ADAM2: variants seen among roughly 807,000 people sequenced by gnomAD.
ADAM2 encodes disintegrin and metalloproteinase domain-containing protein 2.
Under a neutral mutation model 99.3 loss-of-function variants are expected in ADAM2, and 101 were observed. The observed-to-expected ratio is 1.02, with a 90% CI of 0.87 to 1.20. The LOEUF (loss-of-function observed/expected upper bound fraction) is 1.20, where lower values mean the gene tolerates loss of function less well. Ranked by LOEUF, ADAM2 falls within the 50% of genes most tolerant of loss-of-function variation. The probability of loss-of-function intolerance (pLI) is 0.00; values close to 1 mark genes in which losing one functional copy is unlikely to be tolerated. For missense variants in ADAM2, 948 were observed against 878.7 expected (o/e 1.08, Z -1.00); for synonymous variants, 323 against 287.6 (o/e 1.12, Z -1.25).
At chr8:39,834,732 C>CAAAAAAAA (rs79431764) in intron 2 of ADAM2, among the ~76,000 whole-genome samples, 43 of 52,868 alleles carry the variant, frequency 8.1e-4, no homozygotes, top group Middle Eastern at 0.02. Flanking sequence ...AAGACTCCAT[C>CAAAAAAAA]AAAAAAAAAA....
intron 7 of ADAM2, among the ~76,000 whole-genome samples, chr8:39,792,746 T>C (rs1365546582): frequency 6.6e-6 from 1 of 152,072 alleles, no homozygotes; most frequent in African/African-American, 2.4e-5. Flanking sequence ...ATCAATTTTA[T>C]AAATAGAAAA....
At chr8:39,747,516 A>G (rs1823525439) in intron 18 of ADAM2, among the ~76,000 whole-genome samples, 1 of 152,196 alleles carries the variant, frequency 6.6e-6, no homozygotes, top group Middle Eastern at 3.4e-3. Flanking sequence ...ATATCAACTT[A>G]AGTTTTTCTG....
intron 6 of ADAM2, among the ~76,000 whole-genome samples, chr8:39,814,317 C>A (rs1252505344): frequency 6.6e-6 from 1 of 151,720 alleles, no homozygotes; most frequent in African/African-American, 2.4e-5. Context: ...CAAGATCACA[C>A]CACTGCACTC....
rs544537387 is a variant in ADAM2 at position 39,813,076 on chromosome 8, A to T, written c.514-3610T>A. Among the ~76,000 whole-genome samples the T allele has an allele frequency of 8.3e-4, 127 of 152,360 alleles. 1 individual carries two copies. Among genetic ancestry groups the T allele is most frequent in the African/African-American group, 3.0e-3 (124 of 41,576 alleles). ...AAGAACTTAAACAAATTTACAAGAA[A>T]AAATCAAACAACCCCATCAAAAAGT... On this transcript the variant is annotated intron_variant, in intron 6 of 20. Coordinates refer to ENST00000265708, the MANE Select transcript of ADAM2 (RefSeq NM_001464.5).
chr8:39,760,882 C>CAAAAAAAA (rs58386097), intron 15 of ADAM2, among the ~76,000 whole-genome samples: 21 of 60,176 alleles, frequency 3.5e-4, no homozygotes, highest in African/African-American at 1.0e-3. Flanking sequence ...GACTCCATCT[C>CAAAAAAAA]AAAAAAAAAA....
intron 6 of ADAM2, among the ~76,000 whole-genome samples, chr8:39,814,029 C>CTG (rs1171771987): frequency 1.3e-5 from 2 of 151,618 alleles, no homozygotes; most frequent in Non-Finnish European, 2.9e-5. Flanking sequence ...ATGCCAGGAG[C>CTG]TGTGTGTGTT....
intron 6 of ADAM2, among the ~76,000 whole-genome samples, chr8:39,812,390 ACTAAT>A (rs1294197301): frequency 6.6e-6 from 1 of 152,232 alleles, no homozygotes; most frequent in African/African-American, 2.4e-5. Context: ...CCATCAAGCT[ACTAAT>A]GACTTTCTTC....
rs1236846172 is a variant in ADAM2 at position 39,769,484 on chromosome 8, G to T, written c.1120C>A (p.Gln374Lys). ...SKQKSQCLHNQPRLDPFFKQQ... is the reference protein window; with the variant it reads ...SKQKSQCLHNKPRLDPFFKQQ... ...TTGAAAAAAGGATCTAAGCGAGGCT[G>T]ATTGTGAAGACACTGGGACTTCTGC... Residue 374 changes from glutamine (Q) to lysine (K), a missense_variant, in exon 12 of 21, where the codon CAG becomes AAG. Physicochemically the swap from Gln to Lys is moderately conservative, Grantham distance 53. Coordinates refer to ENST00000265708, the MANE Select transcript of ADAM2 (RefSeq NM_001464.5). 6.2e-7 allele frequency: 1 copy of T among 1,613,472 alleles called. No homozygotes were observed. Among genetic ancestry groups the T allele is most frequent in the Non-Finnish European group, 8.5e-7 (1 of 1,179,524 alleles).
intron 11 of ADAM2, among the ~76,000 whole-genome samples, chr8:39,775,067 C>T (rs560150722): frequency 8.5e-5 from 13 of 152,092 alleles, no homozygotes; most frequent in African/African-American, 2.9e-4. Context: ...CTTCTTTCTG[C>T]GGGGCCCACA....
At chr8:39,761,944 C>T (rs1420291411) in intron 14 of ADAM2, among the ~76,000 whole-genome samples, 1 of 152,060 alleles carries the variant, frequency 6.6e-6, no homozygotes, top group Non-Finnish European at 1.5e-5. Context: ...ATTAGCCGGG[C>T]ATGGTGGCAG....
chr8:39,809,599 G>T, intron 6 of ADAM2, 133 bp from the exon 7 acceptor site: 1 of 532,662 alleles, frequency 1.9e-6, no homozygotes, highest in South Asian at 2.9e-5. Context: ...GATAATATAA[G>T]CAACACTAGA....
chr8:39,823,714 C>G (rs562892120), intron 4 of ADAM2, among the ~76,000 whole-genome samples: 2 of 151,706 alleles, frequency 1.3e-5, no homozygotes, highest in African/African-American at 4.8e-5. Flanking sequence ...AACACACATA[C>G]GCACACACAC....
intron 15 of ADAM2, among the ~76,000 whole-genome samples, chr8:39,759,769 G>A (rs553283916): frequency 6.6e-6 from 1 of 152,206 alleles, no homozygotes; most frequent in East Asian, 1.9e-4. Context: ...AAACTATAAA[G>A]TTTATTACAG....
At position 39,807,723 on chromosome 8, in the gene ADAM2, A is replaced by G. The variant is rs528042701; in HGVS notation, c.570+1687T>C. ...AGGTCTCAGATTTCCAACATCCAGA[A>G]TAAATATACTACACTATATATACAA... On this transcript the variant is annotated intron_variant, in intron 7 of 20. Transcript: ENST00000265708. Among the ~76,000 whole-genome samples the G allele has an allele frequency of 2.3e-4, 35 of 152,282 alleles. 1 individual carries two copies. Among genetic ancestry groups the G allele is most frequent in the African/African-American group, 7.5e-4 (31 of 41,552 alleles).
chr8:39,767,783 T>G (rs1399507037), intron 12 of ADAM2, among the ~76,000 whole-genome samples: 1 of 152,132 alleles, frequency 6.6e-6, no homozygotes, highest in African/African-American at 2.4e-5. Context: ...ACTCATATCT[T>G]ATTATGCCTT....
intron 6 of ADAM2, 128 bp downstream of exon 6, chr8:39,820,874 T>TA (rs1318745080): frequency 1.1e-5 from 6 of 527,048 alleles, no homozygotes; most frequent in Non-Finnish European, 2.0e-5. Context: ...CTGGTACATG[T>TA]ATCCATACAT....
chr8:39,781,915 G>A (rs1381913642), intron 10 of ADAM2, among the ~76,000 whole-genome samples: 3 of 152,154 alleles, frequency 2.0e-5, no homozygotes, highest in Non-Finnish European at 4.4e-5. Flanking sequence ...AGAGGCCAGC[G>A]ATATGGCGAC....
chr8:39,784,323 T>G (rs545351062), intron 10 of ADAM2, among the ~76,000 whole-genome samples: 11 of 152,266 alleles, frequency 7.2e-5, no homozygotes, highest in Admixed American at 1.3e-4. Flanking sequence ...AGGCACAAAT[T>G]GTCCAGTAAA....
intron 11 of ADAM2, among the ~76,000 whole-genome samples, chr8:39,772,054 G>A (rs1185352307): frequency 6.7e-6 from 1 of 149,170 alleles, no homozygotes; most frequent in African/African-American, 2.5e-5. Context: ...TTGTGCACAT[G>A]TACCCTAGAA....
Sources: gnomAD v4.1 joint callset for allele counts (sites outside exome capture counted in the v4.1 genomes callset) on GRCh38, gnomAD v4.1.1 for gene constraint, MANE v1.5 for transcripts, NCBI Gene and HGNC (gene_info 2026-07-23, HGNC 2026-07-21) for gene names.